Variants in ANO2 observed in about 807,000 individuals in gnomAD.
ANO2 encodes anoctamin 2.
Under a neutral mutation model 124.2 loss-of-function variants are expected in ANO2, and 101 were observed. That is an observed-to-expected ratio of 0.81 (90% confidence interval 0.69 to 0.96). ANO2 has a LOEUF of 0.96. ANO2 is among the 40% of genes least tolerant of loss of function. The pLI is 0.00. For synonymous variants in ANO2, 486 were observed against 482.5 expected (o/e 1.01, Z -0.09); for missense variants, 1,293 against 1,274.5 (o/e 1.01, Z -0.22).
At chr12:5,865,224 C>T (rs563821781) in intron 3 of ANO2, among the ~76,000 whole-genome samples, 43 of 152,270 alleles carry the variant, frequency 2.8e-4, no homozygotes, top group African/African-American at 7.0e-4. Context: ...TATTGGGCAA[C>T]GACTGTGTGC....
At position 5,608,253 on chromosome 12, in the gene ANO2, T is replaced by G. The variant is rs550986107; in HGVS notation, c.2087+4403A>C. Among the ~76,000 whole-genome samples, 138 of 151,458 alleles carry G rather than the reference T, an allele frequency of 9.1e-4. 2 individuals carry two copies. Among genetic ancestry groups the G allele is most frequent in the Admixed American group, 1.4e-3 (21 of 15,152 alleles). ...AACTCTGAGTTGAAGGGGTCTGATT[T>G]ATTGAGAGTCGAAGATCCAGTAATC... On this transcript the variant is annotated intron_variant, in intron 19 of 24. Transcript: ENST00000682330.
At chr12:5,912,182 TA>T (rs1367301015) in intron 3 of ANO2, among the ~76,000 whole-genome samples, 1 of 152,202 alleles carries the variant, frequency 6.6e-6, no homozygotes, top group Non-Finnish European at 1.5e-5. Context: ...CTCCTCCGTG[TA>T]AACCCTCAGC....
intron 6 of ANO2, among the ~76,000 whole-genome samples, chr12:5,829,262 C>T (rs1954079194): frequency 6.6e-6 from 1 of 152,174 alleles, no homozygotes; most frequent in African/African-American, 2.4e-5. Flanking sequence ...CCTTATAACT[C>T]CCCCACAGTC....
intron 12 of ANO2, 76 bp downstream of exon 12, chr12:5,744,081 A>C: frequency 1.3e-6 from 2 of 1,565,800 alleles, no homozygotes; most frequent in South Asian, 2.3e-5. Context: ...CCTGAAGGGG[A>C]TGAGCTTTAC....
chr12:5,659,930 C>T (rs1168955326), intron 14 of ANO2, among the ~76,000 whole-genome samples: 3 of 152,252 alleles, frequency 2.0e-5, no homozygotes, highest in Middle Eastern at 6.8e-3. Context: ...GATAGTGGTA[C>T]AATGAGTCTT....
intron 10 of ANO2, among the ~76,000 whole-genome samples, chr12:5,772,147 T>G (rs555845314): frequency 6.6e-6 from 1 of 152,098 alleles, no homozygotes; most frequent in South Asian, 2.1e-4. Flanking sequence ...ATCATATTAA[T>G]GCAGAGCAAA....
At chr12:5,831,854 A>G (rs1201918095) in intron 5 of ANO2, among the ~76,000 whole-genome samples, 3 of 152,068 alleles carry the variant, frequency 2.0e-5, no homozygotes, top group African/African-American at 7.2e-5. Flanking sequence ...CTTAGCTCCT[A>G]GAGCAAAGTT....
chr12:5,610,924 G>A (rs865923474), intron 19 of ANO2, among the ~76,000 whole-genome samples: 3 of 148,382 alleles, frequency 2.0e-5, no homozygotes, highest in African/African-American at 7.5e-5. Flanking sequence ...ATATGATGGT[G>A]GTAGTCTTCT....
chr12:5,926,077 G>C lies in ANO2; in HGVS notation c.23-3273C>G, dbSNP rs913630718. On this transcript the variant is annotated intron_variant, in intron 1 of 24. Transcript: ENST00000682330. ...CAAACATACGATCTTCTCCAAAACA[G>C]GATTCTTTTTCAGCATTTCCTGCTC... is the stretch of plus-strand genomic sequence containing the variant. Among the ~76,000 whole-genome samples the C allele has an allele frequency of 2.6e-5, 4 of 152,208 alleles. No homozygotes were observed. In the East Asian group the frequency reaches 7.7e-4, roughly 29 times the overall value.
At chr12:5,763,189 T>C (rs959129193) in intron 10 of ANO2, among the ~76,000 whole-genome samples, 1 of 152,008 alleles carries the variant, frequency 6.6e-6, no homozygotes, top group Non-Finnish European at 1.5e-5. Context: ...AAAAGATCTA[T>C]AAAAAATAAC....
intron 10 of ANO2, among the ~76,000 whole-genome samples, chr12:5,773,027 A>C (rs543378302): frequency 3.7e-4 from 56 of 152,370 alleles, no homozygotes; most frequent in African/African-American, 1.3e-3. Flanking sequence ...AGCAGGAGTC[A>C]GCGGATGGGA....
intron 7 of ANO2, among the ~76,000 whole-genome samples, chr12:5,822,013 A>C (rs1953815612): frequency 6.6e-6 from 1 of 152,198 alleles, no homozygotes; most frequent in Admixed American, 6.5e-5. Flanking sequence ...CCTGGTTCAC[A>C]GATGGGTCTG....
At chr12:5,676,420 C>T (rs1048671775) in intron 14 of ANO2, among the ~76,000 whole-genome samples, 2 of 152,162 alleles carry the variant, frequency 1.3e-5, no homozygotes, top group African/African-American at 4.8e-5. Context: ...GCTCCCTGTT[C>T]ACAATAATTA....
rs1368214241 is a variant in ANO2 at position 5,562,971 on chromosome 12, G to C, written c.*328C>G. 1 of 298,290 alleles carries C rather than the reference G, an allele frequency of 3.4e-6. No individual in the cohort carries two copies. The highest frequency in any genetic ancestry group is 2.1e-5 in the African/African-American group (1 of 47,534). 18.5% of individuals were successfully genotyped at this position (298,290 alleles called of 1,614,324 possible). On this transcript the variant is annotated 3_prime_UTR_variant, in exon 25 of 25. Coordinates refer to ENST00000682330, the MANE Select transcript of ANO2 (RefSeq NM_001364791.2). ...TCAGAAATGATGGTGAAGTACAAGA[G>C]GGTGCCCCAGGGTACATGGGAATGC...
Position 5,787,588 on chromosome 12 carries a change from G to A in ANO2, c.1055+11919C>T, listed in dbSNP as rs1483223233. Among the ~76,000 whole-genome samples the A allele has an allele frequency of 6.6e-6, 1 of 152,182 alleles. No homozygotes were observed. Among genetic ancestry groups the A allele is most frequent in the Non-Finnish European group, 1.5e-5 (1 of 68,026 alleles). On this transcript the variant is annotated intron_variant, in intron 10 of 24. Transcript: ENST00000682330. This position sits in a 1 kb window ranked among gnomAD's most constrained non-coding sequence, Gnocchi z 4.2. Reference sequence around the variant, plus strand: ...ATGATAGTATCGATCTCGACGGGGTGTTGTGAGTTAGCAAATGCCAAGGGG... The same window carrying A: ...ATGATAGTATCGATCTCGACGGGGTATTGTGAGTTAGCAAATGCCAAGGGG...
intron 14 of ANO2, among the ~76,000 whole-genome samples, chr12:5,727,052 T>C (rs554375036): frequency 3.3e-5 from 5 of 152,198 alleles, no homozygotes; most frequent in Non-Finnish European, 7.3e-5. Context: ...ATGTGAATTG[T>C]TTTCAGGGAA....
intron 16 of ANO2, among the ~76,000 whole-genome samples, chr12:5,615,832 C>T (rs1944777411): frequency 6.6e-6 from 1 of 152,120 alleles, no homozygotes; most frequent in South Asian, 2.1e-4. Flanking sequence ...GGAAAGCATT[C>T]ATCTGCATGT....
chr12:5,621,953 AT>A (rs1480654977), intron 16 of ANO2, among the ~76,000 whole-genome samples: 1 of 152,140 alleles, frequency 6.6e-6, no homozygotes, highest in East Asian at 1.9e-4. Flanking sequence ...TTCAATAGGA[AT>A]TTGAGCCTCT....
chr12:5,673,002 C>T (rs190178176), intron 14 of ANO2, among the ~76,000 whole-genome samples: 1 of 152,252 alleles, frequency 6.6e-6, no homozygotes, highest in Admixed American at 6.5e-5. Context: ...ATCTTCCTCC[C>T]ATCTATGTCT....
Sources: allele counts gnomAD v4.1 joint callset (sites outside exome capture counted in the v4.1 genomes callset), GRCh38; gene constraint gnomAD v4.1.1; non-coding constraint Gnocchi (gnomAD v3.1); transcripts MANE v1.5; gene names NCBI Gene and HGNC (gene_info 2026-07-23, HGNC 2026-07-21).